The following SLC3A2 variants were observed in gnomAD, a reference collection of about 807,000 sequenced individuals.
SLC3A2 encodes the protein amino acid transporter heavy chain SLC3A2.
A neutral mutation model predicts 48.5 loss-of-function variants in SLC3A2; 32 were observed. The ratio of observed to expected loss-of-function variants is 0.66; its 90% confidence interval spans 0.50 to 0.89. SLC3A2 has a LOEUF of 0.89. Among genes scored for constraint, SLC3A2 ranks in the 40% least tolerant of loss-of-function variants. The pLI is 0.00. For missense variants in SLC3A2, 587 were observed against 680.7 expected (o/e 0.86, Z 1.53); for synonymous variants, 277 against 288.8 (o/e 0.96, Z 0.41).
intron 2 of SLC3A2, chr11:62,882,394 A>G: frequency 3.1e-6 from 1 of 318,106 alleles, no homozygotes; most frequent in Non-Finnish European, 5.9e-6. Context: ...TTGTTTTACG[A>G]CTCGATATAG....
chr11:62,858,939 C>G (rs1306008902), intron 1 of SLC3A2, among the ~76,000 whole-genome samples: 1 of 152,250 alleles, frequency 6.6e-6, no homozygotes, highest in Non-Finnish European at 1.5e-5. Flanking sequence ...ATGGAACGTA[C>G]AATCGGGTTT....
Position 62,881,863 on chromosome 11 carries a change from C to T in SLC3A2, c.425-30C>T. The T allele has an allele frequency of 6.2e-7, 1 of 1,608,472 alleles. No individual in the cohort carries two copies. Among genetic ancestry groups the T allele is most frequent in the South Asian group, 1.1e-5 (1 of 90,938 alleles). On this transcript the variant is annotated intron_variant, in intron 1 of 8. Transcript: ENST00000338663. The surrounding 1 kb of genome is among the most constrained non-coding windows in gnomAD (Gnocchi z 4.0). ...GGAGGTCAGGGGCCTCTCAGAGGGG[C>T]CTCACTTGTTAACCCAGCCCCCATT...
chr11:62,871,281 C>T (rs558721946), intron 1 of SLC3A2, among the ~76,000 whole-genome samples: 1 of 150,446 alleles, frequency 6.6e-6, no homozygotes, highest in Admixed American at 6.6e-5. Context: ...CTCTGTTGCC[C>T]AGGCTGCAGT....
chr11:62,871,576 G>C, intron 1 of SLC3A2: 1 of 646,414 alleles, frequency 1.5e-6, no homozygotes, highest in South Asian at 1.7e-5. Context: ...ATTATTTGTA[G>C]AGACGGGGTC....
chr11:62,883,456 A>AT (rs1358665616), intron 3 of SLC3A2: 1 of 192,028 alleles, frequency 5.2e-6, no homozygotes, highest in African/African-American at 2.3e-5. Context: ...TTCTCTGTAT[A>AT]ACCATACAAG....
Position 62,888,442 on chromosome 11 carries a change from C to T in SLC3A2, c.1339C>T (p.Pro447Ser), listed in dbSNP as rs201767415. 1.9e-6 allele frequency: 3 copies of T among 1,614,230 alleles called. No individual in the cohort carries two copies. The highest frequency in any genetic ancestry group is 2.5e-6 in the Non-Finnish European group (3 of 1,180,042). ...GGACTTCCACGCGTTCTCCGCTGGG[C>T]CTGGACTCTTCTCCTATATCCGCCA... ...HGDFHAFSAG[P>S]GLFSYIRHWD... Residue 447 changes from proline (P) to serine (S), a missense_variant, in exon 9 of 9, where the codon CCT becomes TCT. Physicochemically the swap from Pro to Ser is moderately conservative, Grantham distance 74. Around this residue, in one of 3 missense-constraint regions of SLC3A2, gnomAD observed 169 missense variants for 204.4 expected, o/e 0.83. Transcript: ENST00000338663.
At chr11:62,879,988 G>A (rs1031792357), upstream of SLC3A2, among the ~76,000 whole-genome samples, 2 of 152,192 alleles carry the variant, frequency 1.3e-5, no homozygotes, top group Non-Finnish European at 2.9e-5. Context: ...AACTGTGGGA[G>A]TTCCTGCAAG....
intron 1 of SLC3A2, among the ~76,000 whole-genome samples, chr11:62,872,029 C>T (rs1376377338): frequency 6.6e-6 from 1 of 152,146 alleles, no homozygotes; most frequent in Non-Finnish European, 1.5e-5. Context: ...TCTCCTGCCT[C>T]AGCCTCCCAA....
Position 62,888,136 on chromosome 11 carries a change from C to A in SLC3A2, c.1145C>A (p.Pro382His), listed in dbSNP as rs1229362126. 6.2e-7 allele frequency: 1 copy of A among 1,613,354 alleles called. No individual in the cohort carries two copies. The highest frequency in any genetic ancestry group is 1.7e-5 in the Admixed American group (1 of 60,006). ...AGTCCTATTTTCTCTGCTTTTCAGC[C>A]TATGGAGGCTCCAGTCATGCTGTGG... Reference protein sequence around the residue: ...GLDAAALPGQPMEAPVMLWDE... With the variant: ...GLDAAALPGQHMEAPVMLWDE... The change falls in exon 8 of 9, where the codon CCT becomes CAT. Residue 382 changes from proline (P) to histidine (H), a missense_variant and splice_region_variant. By Grantham distance (77) the Pro-to-His change is moderately conservative. Coordinates refer to ENST00000338663, the MANE Select transcript of SLC3A2 (RefSeq NM_001013251.3).
intron 7 of SLC3A2, among the ~76,000 whole-genome samples, 153 bp downstream of exon 7, chr11:62,885,761 A>T (rs1379990338): frequency 6.6e-6 from 1 of 152,046 alleles, no homozygotes; most frequent in Non-Finnish European, 1.5e-5. Context: ...TGGGCAAATT[A>T]TTTTACCTTT....
At position 62,881,456 on chromosome 11, in the gene SLC3A2, A is replaced by G. The variant is rs1036793200; in HGVS notation, c.424+9A>G. On this transcript the variant is annotated intron_variant, in intron 1 of 8. Transcript: ENST00000338663. This position sits in a 1 kb window ranked among gnomAD's most constrained non-coding sequence, Gnocchi z 4.0. ...CGCGGGCAACCTGGCGGGTGAGTGC[A>G]GCGCGCCCCCGTCCCGGGTACCTCC... The G allele has an allele frequency of 2.0e-5, 31 of 1,570,984 alleles. No individual in the cohort carries two copies. The African/African-American group carries it at 4.0e-4, about 20-fold the overall frequency.
chr11:62,881,920 G>T lies in SLC3A2; in HGVS notation c.452G>T (p.Ser151Ile). 1 of 1,614,132 alleles carries T rather than the reference G, an allele frequency of 6.2e-7. No homozygotes were observed. Among genetic ancestry groups the T allele is most frequent in the South Asian group, 1.1e-5 (1 of 91,068 alleles). The change falls in exon 2 of 9, where the codon AGC becomes ATC. Residue 151 changes from serine to isoleucine, a missense_variant. Ser to Ile is a moderately radical substitution (Grantham distance 142). Around this residue, in one of 3 missense-constraint regions of SLC3A2, gnomAD observed 409 missense variants for 446.7 expected, o/e 0.92. Transcript: ENST00000338663. This position sits in a 1 kb window ranked among gnomAD's most constrained non-coding sequence, Gnocchi z 4.0. ...AGLKGRLDYLSSLKVKGLVLG... is the reference protein window; with the variant it reads ...AGLKGRLDYLISLKVKGLVLG... ...CTGAAGGGGCGTCTCGATTACCTGA[G>T]CTCTCTGAAGGTGAAGGGCCTTGTG...
rs1036378346 is a variant in SLC3A2 at position 62,881,728 on chromosome 11, A to G, written c.425-165A>G. 9 of 861,566 alleles carry G rather than the reference A, an allele frequency of 1.0e-5. No individual in the cohort carries two copies. Among genetic ancestry groups the G allele is most frequent in the Non-Finnish European group, 1.4e-5 (8 of 570,982 alleles). The allele number at this position is 861,566 out of a possible 1,614,324, so 53.4% of individuals were successfully genotyped here. On this transcript the variant is annotated intron_variant, in intron 1 of 8. Transcript: ENST00000338663. This position sits in a 1 kb window ranked among gnomAD's most constrained non-coding sequence, Gnocchi z 4.0. ...GCAACCGGTTTCTGAAGTAATGTGC[A>G]GGACTCCTTACATCAGCTCCTCTGA...
intron 2 of SLC3A2, 155 bp from the exon 3 acceptor site, chr11:62,882,753 A>G (rs748119853): frequency 2.8e-5 from 19 of 670,268 alleles, no homozygotes; most frequent in South Asian, 5.1e-5. Context: ...CCTTGCTCAC[A>G]TCTGTTTCAA....
At chr11:62,861,910 CAAAAA>C (rs1189861840) in intron 1 of SLC3A2, among the ~76,000 whole-genome samples, 2 of 59,166 alleles carry the variant, frequency 3.4e-5, no homozygotes, top group Non-Finnish European at 7.2e-5. Flanking sequence ...AAACCTCTCT[CAAAAA>C]AAAAAAAAAA....
At chr11:62,886,956 T>G (rs1213183495) in intron 7 of SLC3A2, among the ~76,000 whole-genome samples, 1 of 152,124 alleles carries the variant, frequency 6.6e-6, no homozygotes, top group Admixed American at 6.5e-5. Flanking sequence ...CAGGCTGTTC[T>G]CAAACTCCTG....
chr11:62,881,683 C>G lies in SLC3A2; in HGVS notation c.425-210C>G. On this transcript the variant is annotated intron_variant, in intron 1 of 8. Transcript: ENST00000338663. The surrounding 1 kb of genome is among the most constrained non-coding windows in gnomAD (Gnocchi z 4.0). Reference sequence around the variant, plus strand: ...TGGGTGACTCAGCGTCCTCCTTCCCCGCGGCGCCAGAAGCCAGTTGCAACC... The same window carrying G: ...TGGGTGACTCAGCGTCCTCCTTCCCGGCGGCGCCAGAAGCCAGTTGCAACC... 1.2e-6 allele frequency: 1 copy of G among 849,658 alleles called. No individual in the cohort carries two copies. Among genetic ancestry groups the G allele is most frequent in the South Asian group, 1.8e-5 (1 of 54,178 alleles). 52.6% of individuals were successfully genotyped at this position (849,658 alleles called of 1,614,324 possible).
chr11:62,868,836 C>T (rs778684026), intron 1 of SLC3A2, among the ~76,000 whole-genome samples: 26 of 152,128 alleles, frequency 1.7e-4, no homozygotes, highest in Non-Finnish European at 2.8e-4. Flanking sequence ...TTTTAATTTG[C>T]ACTTTCCAGA....
At chr11:62,875,415 C>T (rs531226806) in intron 1 of SLC3A2, among the ~76,000 whole-genome samples, 17 of 152,168 alleles carry the variant, frequency 1.1e-4, no homozygotes, top group Non-Finnish European at 1.8e-4. Flanking sequence ...ATTAGCTGGG[C>T]GTGGTGGTGG....
Sources: gnomAD v4.1 joint callset for allele counts (sites outside exome capture counted in the v4.1 genomes callset) on GRCh38, gnomAD v4.1.1 for gene constraint, gnomAD v4.1.1 regional missense constraint, Gnocchi (gnomAD v3.1) non-coding constraint, MANE v1.5 for transcripts, NCBI Gene and HGNC (gene_info 2026-07-23, HGNC 2026-07-21) for gene names.